Variants in PDE4C observed in about 807,000 individuals in gnomAD.
PDE4C encodes the protein 3',5'-cyclic-AMP phosphodiesterase 4C.
PDE4C carries 50 observed loss-of-function variants against 63.9 expected under a neutral mutation model. That is an observed-to-expected ratio of 0.78 (90% CI 0.62 to 0.99). The LOEUF (loss-of-function observed/expected upper bound fraction) is 0.99, where lower values mean the gene tolerates loss of function less well. Ranked by LOEUF, PDE4C falls within the 50% of genes least tolerant of loss-of-function variation. The probability of loss-of-function intolerance (pLI) is 0.00; values close to 1 mark genes in which losing one functional copy is unlikely to be tolerated. For synonymous variants in PDE4C, 377 were observed against 385.1 expected (o/e 0.98, Z 0.25); for missense variants, 777 against 899.1 (o/e 0.86, Z 1.74).
At chr19:18,237,449 G>T (rs1196581671), upstream of PDE4C, among the ~76,000 whole-genome samples, 1 of 152,160 alleles carries the variant, frequency 6.6e-6, no homozygotes, top group African/African-American at 2.4e-5. Flanking sequence ...TACTCGGGAG[G>T]CTGAAGCAGA....
exon 1 of PDE4C, chr19:18,233,310 C>T: frequency 1.4e-6 from 2 of 1,394,440 alleles, no homozygotes; most frequent in Non-Finnish European, 2.0e-6. Flanking sequence ...CAGCGAGGAG[C>T]TGTCCGCGCC....
At position 18,220,459 on chromosome 19, in the gene PDE4C, C is replaced by A. The variant is rs1433011736; in HGVS notation, c.556G>T (p.Asp186Tyr). The A allele has an allele frequency of 1.2e-6, 2 of 1,614,182 alleles. No homozygotes were observed. The highest frequency in any genetic ancestry group is 1.7e-6 in the Non-Finnish European group (2 of 1,180,028). The change falls in exon 6 of 15, where the codon GAT becomes TAT. Residue 186 changes from aspartate (D) to tyrosine (Y), a missense_variant. By Grantham distance (160) the Asp-to-Tyr change is radical (BLOSUM62 -3). Around this residue, in one of 3 missense-constraint regions of PDE4C, gnomAD observed 28 missense variants for 53.5 expected, o/e 0.52. Coordinates refer to ENST00000262805, the Ensembl canonical transcript of PDE4C. This position sits in a 1 kb window ranked among gnomAD's most constrained non-coding sequence, Gnocchi z 5.1. ...CGGGTCTGCAGCGTCTCCAACTGAT[C>A]CAGGCACCAGTCCAGCTCGTCTAGC...
rs1968363402 is a variant in PDE4C, at chr19:18,219,414, G to T, written c.707-17C>A. The T allele has an allele frequency of 6.4e-7, 1 of 1,574,072 alleles. No homozygotes were observed. On this transcript the variant is annotated splice_polypyrimidine_tract_variant and intron_variant, in intron 7 of 14. Transcript: ENST00000262805. The stretch of plus-strand genomic sequence containing the variant: ...TCTGCTGGTCTGCGGATGGGCCAGG[G>T]TGAAGCTCAGAGAAGCCGATTTCAC...
chr19:18,221,384 GCTCT>G, intron 2 of PDE4C, 87 bp from the exon 3 acceptor site: 1 of 1,358,128 alleles, frequency 7.4e-7, no homozygotes, highest in Non-Finnish European at 1.0e-6. Flanking sequence ...AGGGGGTCCT[GCTCT>G]CAGGACTTCT....
intron 1 of PDE4C, chr19:18,225,658 G>A (rs1389374373): frequency 6.6e-6 from 1 of 152,412 alleles, no homozygotes; most frequent in African/African-American, 2.4e-5. Flanking sequence ...GAAAGGCAGG[G>A]ATTCGAACCC....
At chr19:18,208,700 CA>C (rs1174404252), downstream of PDE4C, 1 of 152,132 alleles carries the variant, frequency 6.6e-6, no homozygotes, top group African/African-American at 2.4e-5. Flanking sequence ...CTCAGTACCC[CA>C]AATGTCTAAG....
intron 1 of PDE4C, among the ~76,000 whole-genome samples, chr19:18,247,667 C>A (rs1293608968): frequency 6.6e-6 from 1 of 152,190 alleles, no homozygotes; most frequent in Non-Finnish European, 1.5e-5. Context: ...CCACCCCCTA[C>A]TCACTTCACT....
At chr19:18,215,339 G>C (rs574853144) in intron 12 of PDE4C, among the ~76,000 whole-genome samples, 1 of 152,012 alleles carries the variant, frequency 6.6e-6, no homozygotes, top group African/African-American at 2.4e-5. Context: ...TCACAGCTCT[G>C]CCTGCAGGTC....
At chr19:18,242,718 G>A (rs1454681189) in intron 1 of PDE4C, among the ~76,000 whole-genome samples, 1 of 150,108 alleles carries the variant, frequency 6.7e-6, no homozygotes, top group Non-Finnish European at 1.5e-5. Context: ...CAGGGAGGTG[G>A]AGGTTTCAGT....
intron 1 of PDE4C, among the ~76,000 whole-genome samples, chr19:18,224,878 G>A (rs989438906): frequency 6.6e-6 from 1 of 152,226 alleles, no homozygotes; most frequent in African/African-American, 2.4e-5. Context: ...GACTGGAGGC[G>A]GCGGATAACC....
At chr19:18,216,281 T>C (rs1309834301) in intron 12 of PDE4C, among the ~76,000 whole-genome samples, 15 of 145,832 alleles carry the variant, frequency 1.0e-4, no homozygotes, top group African/African-American at 3.8e-4. Flanking sequence ...TTTTTTGAGA[T>C]GGAGTCTCAC....
At chr19:18,243,745 C>T (rs1400110838) in intron 1 of PDE4C, among the ~76,000 whole-genome samples, 1 of 152,174 alleles carries the variant, frequency 6.6e-6, no homozygotes, top group Non-Finnish European at 1.5e-5. Context: ...TATCCCTCCC[C>T]CATCTGGAGT....
upstream of PDE4C, among the ~76,000 whole-genome samples, chr19:18,228,896 C>T (rs561502000): frequency 6.6e-6 from 1 of 152,220 alleles, no homozygotes; most frequent in South Asian, 2.1e-4. Context: ...GCCCAGTAGT[C>T]TCTGGTGCCT....
chr19:18,216,466 G>T (rs532815658), intron 12 of PDE4C, among the ~76,000 whole-genome samples: 1 of 152,008 alleles, frequency 6.6e-6, no homozygotes, highest in South Asian at 2.1e-4. Flanking sequence ...GTAGAGACGA[G>T]GTTTCACCAT....
upstream of PDE4C, chr19:18,249,842 G>A: frequency 3.2e-6 from 1 of 311,628 alleles, no homozygotes; most frequent in Non-Finnish European, 5.8e-6. Flanking sequence ...CAAAGTGCTG[G>A]GATTACAGGT....
upstream of PDE4C, among the ~76,000 whole-genome samples, chr19:18,227,494 G>A (rs535024979): frequency 4.1e-4 from 63 of 152,290 alleles, no homozygotes; most frequent in Admixed American, 2.2e-3. Context: ...GCCATCAGAG[G>A]GACCTCACTG....
intron 1 of PDE4C, among the ~76,000 whole-genome samples, chr19:18,222,700 C>CT (rs1199712120): frequency 0.25 from 13,067 of 53,110 alleles, 2,835 homozygotes; most frequent in Non-Finnish European, 0.28. Context: ...CCTTTCTTTT[C>CT]TTTTTTTTTT....
At chr19:18,255,153 T>G in the PDE4C span, 1 of 397,880 alleles carries the variant, frequency 2.5e-6, no homozygotes, top group South Asian at 1.3e-4. This position sits in a 1 kb window ranked among gnomAD's most constrained non-coding sequence, Gnocchi z 4.6. Context: ...GGTGTGTGAC[T>G]GGGCTGTGCG....
At chr19:18,222,311 T>C in exon 2 of PDE4C, 1 of 1,610,156 alleles carries the variant, frequency 6.2e-7, no homozygotes, top group Non-Finnish European at 8.5e-7. Context: ...AGAGCCCATT[T>C]TCCAGGTCAA....
Sources: allele counts gnomAD v4.1 joint callset (sites outside exome capture counted in the v4.1 genomes callset), GRCh38; gene constraint gnomAD v4.1.1; regional missense constraint gnomAD v4.1.1; non-coding constraint Gnocchi (gnomAD v3.1); transcripts MANE v1.5; gene names NCBI Gene and HGNC (gene_info 2026-07-23, HGNC 2026-07-21).